ARMC10: variants seen among roughly 807,000 people sequenced by gnomAD.
ARMC10 encodes the protein armadillo repeat containing 10, also known as armadillo repeat-containing protein 10.
A neutral mutation model predicts 30.2 loss-of-function variants in ARMC10; 23 were observed. The observed-to-expected ratio is 0.76, with a 90% confidence interval of 0.55 to 1.08. ARMC10 has a LOEUF of 1.08. ARMC10 is among the 50% of genes least tolerant of loss of function. The pLI, the probability that ARMC10 is intolerant of heterozygous loss-of-function variation, is 0.00. For synonymous variants in ARMC10, 111 were observed against 164.4 expected (o/e 0.68, Z 2.48); for missense variants, 303 against 413.7 (o/e 0.73, Z 2.32).
intron 1 of ARMC10, 103 bp downstream of exon 1, chr7:103,075,514 G>A: frequency 1.7e-6 from 2 of 1,158,566 alleles, no homozygotes; most frequent in Non-Finnish European, 2.2e-6. Context: ...GAGGAGCCGA[G>A]CTAGAGGGAG....
chr7:103,079,948 T>C (rs541444531), intron 2 of ARMC10, among the ~76,000 whole-genome samples: 1 of 152,234 alleles, frequency 6.6e-6, no homozygotes, highest in Admixed American at 6.5e-5. Flanking sequence ...TTCTGAACCA[T>C]GACAGTTATC....
chr7:103,091,211 T>G (rs1801289186), intron 4 of ARMC10, among the ~76,000 whole-genome samples: 1 of 152,118 alleles, frequency 6.6e-6, no homozygotes, highest in South Asian at 2.1e-4. Context: ...GGCAGATCAC[T>G]TGAGCTCAAG....
Position 103,075,866 on chromosome 7 carries a change from A to C in ARMC10, c.229A>C (p.Lys77Gln), listed in dbSNP as rs1425605658. ...AGGTACCTGGGAGTCACAGTGGTCC[A>C]AGACCTCGCAGCCTGGTGTGTGTTT... is the stretch of plus-strand genomic sequence containing the variant. Reference protein sequence around the residue: ...TGGTWESQWSKTSQPEDLTDG... With the variant: ...TGGTWESQWSQTSQPEDLTDG... The change falls in exon 2 of 7, where the codon AAG becomes CAG. Residue 77 changes from lysine to glutamine, a missense_variant. By Grantham distance (53) the Lys-to-Gln change is moderately conservative (BLOSUM62 1). Coordinates refer to ENST00000323716, the MANE Select transcript of ARMC10 (RefSeq NM_031905.5). 1.9e-6 allele frequency: 3 copies of C among 1,603,840 alleles called. No individual in the cohort carries two copies. The highest frequency in any genetic ancestry group is 2.6e-6 in the Non-Finnish European group (3 of 1,174,558).
Position 103,098,653 on chromosome 7 carries a change from A to G in ARMC10, c.*100A>G, listed in dbSNP as rs1801988461. Reference sequence around the variant, plus strand: ...CCCAGCTGCTAAATTTAAACAGTAAATATCACATTTTGTCATTAACACAGC... The same window carrying G: ...CCCAGCTGCTAAATTTAAACAGTAAGTATCACATTTTGTCATTAACACAGC... On this transcript the variant is annotated 3_prime_UTR_variant, in exon 7 of 7. Coordinates refer to ENST00000323716, the MANE Select transcript of ARMC10 (RefSeq NM_031905.5). 50 of 1,488,296 alleles carry G rather than the reference A, an allele frequency of 3.4e-5. 1 individual carries two copies. Among genetic ancestry groups the G allele is most frequent in the Non-Finnish European group, 4.4e-5 (49 of 1,120,254 alleles). The allele number at this position is 1,488,296 out of a possible 1,614,324, so 92.2% of individuals were successfully genotyped here. A position where few individuals can be genotyped will look rare whatever the true frequency, so the allele number is the denominator to read the frequency against.
chr7:103,079,035 G>A (rs984956731), intron 2 of ARMC10, among the ~76,000 whole-genome samples: 1 of 152,078 alleles, frequency 6.6e-6, no homozygotes, highest in African/African-American at 2.4e-5. Context: ...AATAATTTTT[G>A]TACTAACGTG....
chr7:103,088,110 G>T (rs904849431), intron 4 of ARMC10, among the ~76,000 whole-genome samples: 1 of 152,138 alleles, frequency 6.6e-6, no homozygotes, highest in East Asian at 1.9e-4. Flanking sequence ...AATATCCAAT[G>T]AAGTGGATAT....
chr7:103,075,448 T>C, intron 1 of ARMC10, 37 bp downstream of exon 1: 1 of 1,280,816 alleles, frequency 7.8e-7, no homozygotes. Flanking sequence ...GGGCGGGGAC[T>C]GGGCAGGGGG....
chr7:103,098,091 G>A (rs995088285), intron 6 of ARMC10, among the ~76,000 whole-genome samples: 4 of 152,028 alleles, frequency 2.6e-5, no homozygotes, highest in South Asian at 2.1e-4. Context: ...GTATTACAGC[G>A]TGGGGGTACA....
chr7:103,087,282 T>A (rs534633047), intron 4 of ARMC10, among the ~76,000 whole-genome samples: 23 of 152,344 alleles, frequency 1.5e-4, no homozygotes, highest in African/African-American at 5.5e-4. Flanking sequence ...ATGAGGCAAA[T>A]GTGCAAATAG....
intron 5 of ARMC10, chr7:103,095,915 C>A (rs1348132667): frequency 6.9e-6 from 1 of 145,726 alleles, no homozygotes; most frequent in Non-Finnish European, 1.5e-5. Context: ...AGGGGAACAT[C>A]ACACTCTGGG....
intron 2 of ARMC10, among the ~76,000 whole-genome samples, chr7:103,078,095 A>C (rs1473254433): frequency 6.6e-6 from 1 of 152,074 alleles, no homozygotes; most frequent in African/African-American, 2.4e-5. Flanking sequence ...TCATGGGTTC[A>C]AGCGATTCTC....
intron 2 of ARMC10, among the ~76,000 whole-genome samples, chr7:103,078,260 A>T (rs1427768710): frequency 6.6e-6 from 1 of 152,192 alleles, no homozygotes; most frequent in Non-Finnish European, 1.5e-5. Context: ...GGCATCAGCC[A>T]CTGTGCCCGG....
intron 2 of ARMC10, among the ~76,000 whole-genome samples, chr7:103,077,946 G>A (rs895430178): frequency 1.3e-5 from 2 of 152,140 alleles, no homozygotes; most frequent in Non-Finnish European, 2.9e-5. Context: ...CTTGAGAAAT[G>A]CTCATTTCAT....
In ARMC10 at chr7:103,092,576, A is replaced by G. The variant is rs1379122764; in HGVS notation, c.628A>G (p.Asn210Asp). Residue 210 changes from asparagine to aspartate, a missense_variant, in exon 5 of 7, where the codon AAT becomes GAT. Asn to Asp is a conservative substitution (Grantham distance 23). Around this residue, in one of 4 missense-constraint regions of ARMC10, gnomAD observed 170 missense variants for 207.2 expected, o/e 0.82. Transcript: ENST00000323716. ...LTLLTNMTVT[N>D]DHQHMLHSYI... ...ATTGTTGACAAACATGACTGTTACC[A>G]ATGACCACCAGCACATGCTTCACAG... 1 of 1,610,244 alleles carries G rather than the reference A, an allele frequency of 6.2e-7. No homozygotes were observed. Among genetic ancestry groups the G allele is most frequent in the African/African-American group, 1.3e-5 (1 of 74,974 alleles).
In ARMC10 at chr7:103,086,507, AT is replaced by A. The variant is rs2129522470; in HGVS notation, c.394-122del. 1.7e-5 allele frequency: 18 copies of A among 1,048,990 alleles called. No homozygotes were observed. In the South Asian group the frequency reaches 2.7e-4, roughly 16 times the overall value. 65.0% of individuals were successfully genotyped at this position (1,048,990 alleles called of 1,614,324 possible). On this transcript the variant is annotated intron_variant, in intron 3 of 6. Transcript: ENST00000323716. ...TAAAATATGAATTAAATATTTGTAT[AT>A]GGGAAAGAGATTTCCAAAAAGCCGT...
chr7:103,079,191 T>A (rs1317138429), intron 2 of ARMC10, among the ~76,000 whole-genome samples: 1 of 151,772 alleles, frequency 6.6e-6, no homozygotes, highest in Non-Finnish European at 1.5e-5. Flanking sequence ...GCAAGTCAAA[T>A]CTATCAGGGG....
intron 2 of ARMC10, among the ~76,000 whole-genome samples, chr7:103,078,042 C>G (rs1008544801): frequency 9.2e-5 from 14 of 152,114 alleles, no homozygotes; most frequent in Non-Finnish European, 2.1e-4. Flanking sequence ...GTCTCCCAGG[C>G]TGGAGTGCAG....
intron 2 of ARMC10, among the ~76,000 whole-genome samples, chr7:103,079,732 G>A (rs1800209237): frequency 6.6e-6 from 1 of 152,190 alleles, no homozygotes; most frequent in African/African-American, 2.4e-5. Context: ...TATACATGCA[G>A]TAACAATTCA....
chr7:103,083,567 A>T, intron 2 of ARMC10, 115 bp from the exon 3 acceptor site: 2 of 860,832 alleles, frequency 2.3e-6, no homozygotes, highest in Non-Finnish European at 3.6e-6. Flanking sequence ...TCAAGGTTGT[A>T]GTGAGCCATG....
Sources: gnomAD v4.1 joint callset for allele counts (sites outside exome capture counted in the v4.1 genomes callset) on GRCh38, gnomAD v4.1.1 for gene constraint, gnomAD v4.1.1 regional missense constraint, MANE v1.5 for transcripts, NCBI Gene and HGNC (gene_info 2026-07-23, HGNC 2026-07-21) for gene names.